The following ILDR2 variants were observed in gnomAD, a reference collection of about 807,000 sequenced individuals.
ILDR2 encodes the protein immunoglobulin-like domain-containing receptor 2.
Under a neutral mutation model 66.8 loss-of-function variants are expected in ILDR2, and 25 were observed. That is an observed-to-expected ratio of 0.37 (90% CI 0.27 to 0.52). ILDR2 has a LOEUF of 0.52. ILDR2 is among the 20% of genes least tolerant of loss of function. The probability of loss-of-function intolerance (pLI) is 0.88; values close to 1 mark genes in which losing one functional copy is unlikely to be tolerated. For synonymous variants in ILDR2, 367 were observed against 357.2 expected (o/e 1.03, Z -0.31); for missense variants, 827 against 876.8 (o/e 0.94, Z 0.72).
rs113582071 is a variant in ILDR2 at position 166,967,135 on chromosome 1, G to A, written c.46+8088C>T. ...GCCATGTGACTAGGCTCAGGACAAA[G>A]GTATGTTAGGAGAAGCGATGTGTGT... On this transcript the variant is annotated intron_variant, in intron 1 of 9. Coordinates refer to ENST00000271417, the MANE Select transcript of ILDR2 (RefSeq NM_199351.3). Among the ~76,000 whole-genome samples the A allele has an allele frequency of 3.5e-3, 526 of 152,314 alleles. 3 individuals are homozygous for A. The highest frequency in any genetic ancestry group is 5.3e-3 in the Non-Finnish European group (358 of 68,032).
rs1316012697 is a variant in ILDR2 at position 166,913,495 on chromosome 1, G to A, written c.*5860C>T. On this transcript the variant is annotated 3_prime_UTR_variant, in exon 10 of 10. Transcript: ENST00000271417. ...TCCTTAAAGCCAAGGTAAAAGAGAA[G>A]CTATCTGTGTCTCTTTTAGCCTTCC... The A allele has an allele frequency of 6.6e-6, 1 of 152,062 alleles. No individual in the cohort carries two copies. Among genetic ancestry groups the A allele is most frequent in the Non-Finnish European group, 1.5e-5 (1 of 68,018 alleles). The allele number at this position is 152,062 out of a possible 1,614,324, so 9.4% of individuals were successfully genotyped here. A position where few individuals can be genotyped will look rare whatever the true frequency, so the allele number is the denominator to read the frequency against.
chr1:166,924,952 G>A (rs1016662450), intron 7 of ILDR2, among the ~76,000 whole-genome samples: 6 of 152,136 alleles, frequency 3.9e-5, no homozygotes, highest in Non-Finnish European at 2.9e-5. Context: ...GGAAGTCGAG[G>A]CTGCAGTGAG....
chr1:166,923,494 T>C (rs1465597592), intron 7 of ILDR2, among the ~76,000 whole-genome samples: 1 of 152,210 alleles, frequency 6.6e-6, no homozygotes, highest in Non-Finnish European at 1.5e-5. Flanking sequence ...TTCCAGCACT[T>C]GGGCAGACCT....
intron 1 of ILDR2, among the ~76,000 whole-genome samples, chr1:166,968,821 G>C (rs1663112532): frequency 6.6e-6 from 1 of 152,114 alleles, no homozygotes; most frequent in Non-Finnish European, 1.5e-5. Flanking sequence ...CTGGGTCTTA[G>C]AGTAAGAAGA....
Position 166,912,189 on chromosome 1 carries a change from T to C in ILDR2, c.*7166A>G, listed in dbSNP as rs991785758. 6.6e-6 allele frequency: 1 copy of C among 152,062 alleles called. No homozygotes were observed. The highest frequency in any genetic ancestry group is 1.5e-5 in the Non-Finnish European group (1 of 67,988). The allele number at this position is 152,062 out of a possible 1,614,324, so 9.4% of individuals were successfully genotyped here. A position where few individuals can be genotyped will look rare whatever the true frequency, so the allele number is the denominator to read the frequency against. Reference sequence around the variant, plus strand: ...GTAATTGACTTCTTAAAAGCAAAAATAAAAGTCAGAAGGGAGTGTAATAAT... The same window carrying C: ...GTAATTGACTTCTTAAAAGCAAAAACAAAAGTCAGAAGGGAGTGTAATAAT... On this transcript the variant is annotated 3_prime_UTR_variant, in exon 10 of 10. Transcript: ENST00000271417.
At chr1:166,898,779 G>C (rs531414263) in intron 2 of ILDR2, among the ~76,000 whole-genome samples, 1 of 152,196 alleles carries the variant, frequency 6.6e-6, no homozygotes, top group Admixed American at 6.5e-5. Flanking sequence ...CAAAAAGGAG[G>C]CCAGATGCAG....
At chr1:166,955,903 C>T (rs1440565897) in intron 3 of ILDR2, among the ~76,000 whole-genome samples, 1 of 152,146 alleles carries the variant, frequency 6.6e-6, no homozygotes, top group African/African-American at 2.4e-5. Context: ...TTGAAAATGG[C>T]TTTAGGTGTA....
intron 3 of ILDR2, among the ~76,000 whole-genome samples, chr1:166,943,443 G>C (rs1356901761): frequency 1.7e-5 from 2 of 120,176 alleles, no homozygotes; most frequent in Non-Finnish European, 3.2e-5. Context: ...AGTGAGCCGA[G>C]ATTGCACCAC....
chr1:166,898,517 G>C (rs1659207640), intron 2 of ILDR2, among the ~76,000 whole-genome samples: 1 of 152,148 alleles, frequency 6.6e-6, no homozygotes, highest in South Asian at 2.1e-4. Flanking sequence ...ATAACCAGGT[G>C]GCTCAAAGCA....
chr1:166,935,499 A>G, intron 5 of ILDR2, 22 bp from the exon 6 acceptor site: 2 of 1,540,852 alleles, frequency 1.3e-6, no homozygotes, highest in Non-Finnish European at 1.7e-6. Context: ...GATCAAGAGC[A>G]AGAGAGATTA....
intron 1 of ILDR2, among the ~76,000 whole-genome samples, chr1:166,973,612 T>C (rs1015549271): frequency 0.21 from 13,487 of 65,112 alleles, 30 homozygotes; most frequent in Non-Finnish European, 0.26. Flanking sequence ...CAGGGACCCC[T>C]CCCCCCCCCC....
At chr1:166,954,490 G>A (rs572877639) in intron 3 of ILDR2, among the ~76,000 whole-genome samples, 1 of 152,160 alleles carries the variant, frequency 6.6e-6, no homozygotes, top group South Asian at 2.1e-4. Flanking sequence ...GCCCTAAAAA[G>A]TTTCCATGAC....
intron 1 of ILDR2, among the ~76,000 whole-genome samples, chr1:166,965,036 C>T (rs573282895): frequency 2.0e-5 from 3 of 152,320 alleles, no homozygotes; most frequent in Admixed American, 2.0e-4. Flanking sequence ...TCATTAGAGA[C>T]AGGCATCTTT....
In ILDR2 at chr1:166,919,273, TG is replaced by T; in HGVS notation, c.*81del. The T allele has an allele frequency of 1.5e-6, 2 of 1,323,606 alleles. No individual in the cohort carries two copies. Among genetic ancestry groups the T allele is most frequent in the South Asian group, 1.2e-5 (1 of 80,424 alleles). 82.0% of individuals were successfully genotyped at this position (1,323,606 alleles called of 1,614,324 possible). A position where few individuals can be genotyped will look rare whatever the true frequency, so the allele number is the denominator to read the frequency against. On this transcript the variant is annotated 3_prime_UTR_variant, in exon 10 of 10. Coordinates refer to ENST00000271417, the MANE Select transcript of ILDR2 (RefSeq NM_199351.3). The stretch of plus-strand genomic sequence containing the variant: ...CCAAGGTGATGGCCAGAGAAGGTCC[TG>T]GGCCTGCTGGTTCTTAGATTTGTGT...
intron 3 of ILDR2, among the ~76,000 whole-genome samples, chr1:166,948,243 G>A (rs1661757453): frequency 6.6e-6 from 1 of 152,184 alleles, no homozygotes; most frequent in Admixed American, 6.5e-5. Context: ...GTGGTCAGCA[G>A]CTAAAGATGG....
chr1:166,948,234 T>A (rs1467857157), intron 3 of ILDR2, among the ~76,000 whole-genome samples: 1 of 152,122 alleles, frequency 6.6e-6, no homozygotes, highest in Admixed American at 6.5e-5. Flanking sequence ...CCCTTCAAGG[T>A]GGTCAGCAGC....
chr1:166,923,554 T>C (rs910522714), intron 7 of ILDR2, among the ~76,000 whole-genome samples: 6 of 152,230 alleles, frequency 3.9e-5, no homozygotes, highest in Non-Finnish European at 8.8e-5. Context: ...CATGAGTGGC[T>C]AGGCCAGCAT....
intron 2 of ILDR2, among the ~76,000 whole-genome samples, chr1:166,896,822 A>G (rs1466766143): frequency 6.6e-6 from 1 of 151,950 alleles, no homozygotes; most frequent in Non-Finnish European, 1.5e-5. Flanking sequence ...TTTAGTAGAG[A>G]TGGGGTTTCA....
In ILDR2 at chr1:166,913,132, T is replaced by G. The variant is rs1385895968; in HGVS notation, c.*6223A>C. The G allele has an allele frequency of 1.3e-5, 2 of 152,212 alleles. No homozygotes were observed. The highest frequency in any genetic ancestry group is 4.8e-5 in the African/African-American group (2 of 41,456). The allele number at this position is 152,212 out of a possible 1,614,324, so 9.4% of individuals were successfully genotyped here. A position where few individuals can be genotyped will look rare whatever the true frequency, so the allele number is the denominator to read the frequency against. ...AGGACATGTATCATATGATTCTTTCTCTTGCTGAGGCCATTTAATGTCAGA... is the reference window on the plus strand; with the variant it reads ...AGGACATGTATCATATGATTCTTTCGCTTGCTGAGGCCATTTAATGTCAGA... On this transcript the variant is annotated 3_prime_UTR_variant, in exon 10 of 10. Coordinates refer to ENST00000271417, the MANE Select transcript of ILDR2 (RefSeq NM_199351.3).
Sources: gnomAD v4.1 joint callset for allele counts (sites outside exome capture counted in the v4.1 genomes callset) on GRCh38, gnomAD v4.1.1 for gene constraint, MANE v1.5 for transcripts, NCBI Gene and HGNC (gene_info 2026-07-23, HGNC 2026-07-21) for gene names.